The following IQSEC1 variants were observed in gnomAD, a reference collection of about 807,000 sequenced individuals.
The protein encoded by IQSEC1 is IQ motif and SEC7 domain-containing protein 1.
In IQSEC1, 31 loss-of-function variants were observed where a neutral mutation model predicts 91.0. The ratio of observed to expected loss-of-function variants is 0.34; its 90% CI spans 0.26 to 0.46. The LOEUF is 0.46. Among genes scored for constraint, IQSEC1 ranks in the 20% least tolerant of loss-of-function variants. The pLI is 1.00. For missense variants in IQSEC1, 1,388 were observed against 1,575.6 expected, an observed-to-expected ratio of 0.88 and a Z score of 2.02; for synonymous variants, 699 against 662.6, an observed-to-expected ratio of 1.05 and a Z score of -0.84.
chr3:13,190,071 A>T (rs183210131), intron 1 of IQSEC1, among the ~76,000 whole-genome samples: 1 of 152,326 alleles, frequency 6.6e-6, no homozygotes, highest in East Asian at 1.9e-4. Context: ...ATAGAGTTCC[A>T]GCAGTTTCCC....
intron 1 of IQSEC1, among the ~76,000 whole-genome samples, chr3:13,018,239 G>A (rs1703234084): frequency 6.6e-6 from 1 of 152,216 alleles, no homozygotes. Flanking sequence ...CTGCAGAGGG[G>A]CATCAGATGG....
At chr3:13,216,867 A>C (rs745509242) in intron 1 of IQSEC1, among the ~76,000 whole-genome samples, 5 of 152,332 alleles carry the variant, frequency 3.3e-5, no homozygotes, top group Admixed American at 3.3e-4. Context: ...ACTCCAGAAC[A>C]TATGGACGCT....
At chr3:13,244,116 G>A (rs907841321) in intron 1 of IQSEC1, among the ~76,000 whole-genome samples, 6 of 152,226 alleles carry the variant, frequency 3.9e-5, no homozygotes, top group Non-Finnish European at 8.8e-5. Flanking sequence ...TCTGACTCCT[G>A]CAATGTCTGA....
intron 2 of IQSEC1, among the ~76,000 whole-genome samples, chr3:13,124,974 G>C (rs974669546): frequency 5.4e-4 from 82 of 152,154 alleles, no homozygotes; most frequent in African/African-American, 2.0e-3. Context: ...CATCAGGGAG[G>C]CCTCCTAAGG....
At chr3:13,225,987 T>A (rs1694746981) in intron 1 of IQSEC1, among the ~76,000 whole-genome samples, 1 of 152,032 alleles carries the variant, frequency 6.6e-6, no homozygotes. Flanking sequence ...TCAAGTCAAT[T>A]CTCCTGCCTT....
intron 6 of IQSEC1, among the ~76,000 whole-genome samples, chr3:12,917,576 C>CA (rs982445193): frequency 3.9e-5 from 6 of 152,220 alleles, no homozygotes; most frequent in African/African-American, 1.4e-4. Flanking sequence ...GTCGATAGCT[C>CA]ACTTCTCTTT....
chr3:13,257,802 C>T (rs1695317914), intron 1 of IQSEC1, among the ~76,000 whole-genome samples: 1 of 152,346 alleles, frequency 6.6e-6, no homozygotes, highest in East Asian at 1.9e-4. Flanking sequence ...CCACACGGCC[C>T]AGCAATCACA....
intron 9 of IQSEC1, 126 bp from the exon 10 acceptor site, chr3:12,911,854 G>A (rs537073386): frequency 5.7e-6 from 4 of 697,720 alleles, no homozygotes; most frequent in Non-Finnish European, 1.0e-5. Context: ...CACGTGAGTG[G>A]AGGGCATGGG....
In IQSEC1 at chr3:12,994,474, C is replaced by T. The variant is rs945003223; in HGVS notation, c.24-52609G>A. On this transcript the variant is annotated intron_variant, in intron 1 of 13. Transcript: ENST00000613206. The surrounding 1 kb of genome is among the most constrained non-coding windows in gnomAD (Gnocchi z 4.5). ...GGATGGGTCAGGAGAGCGGGGTACG[C>T]GGGGTCCAGGCGCGGAACCGGGGGC... Among the ~76,000 whole-genome samples the T allele has an allele frequency of 9.9e-5, 15 of 152,150 alleles. 1 individual carries two copies. In the South Asian group the frequency reaches 3.1e-3, roughly 32 times the overall value.
At chr3:13,169,305 C>A (rs9839569) in intron 1 of IQSEC1, among the ~76,000 whole-genome samples, 9,618 of 152,278 alleles carry the variant, frequency 0.063, 531 homozygotes, top group East Asian at 0.17. Context: ...ATGTGACTTG[C>A]TCCTCCTTGC....
chr3:13,227,029 C>A (rs955114519), intron 1 of IQSEC1, among the ~76,000 whole-genome samples: 2 of 152,006 alleles, frequency 1.3e-5, no homozygotes, highest in Non-Finnish European at 2.9e-5. Context: ...CTGCAGTGAG[C>A]GATGATCATG....
chr3:12,981,497 T>C (rs540071679), intron 1 of IQSEC1, among the ~76,000 whole-genome samples: 2 of 152,260 alleles, frequency 1.3e-5, no homozygotes, highest in East Asian at 3.9e-4. Context: ...TGTTGTTTCG[T>C]CACAATTCCC....
chr3:13,024,100 T>C (rs1164100291), intron 1 of IQSEC1, among the ~76,000 whole-genome samples: 1 of 152,208 alleles, frequency 6.6e-6, no homozygotes, highest in Non-Finnish European at 1.5e-5. Flanking sequence ...AGGCCTCCAT[T>C]CAAATGTTTA....
chr3:13,177,757 T>A (rs1388448830), intron 1 of IQSEC1, among the ~76,000 whole-genome samples: 1 of 152,230 alleles, frequency 6.6e-6, no homozygotes, highest in Non-Finnish European at 1.5e-5. Flanking sequence ...GTCCCTCTGC[T>A]GTCCACATGC....
intron 12 of IQSEC1, among the ~76,000 whole-genome samples, chr3:12,904,589 C>G (rs556331513): frequency 1.1e-4 from 17 of 152,330 alleles, no homozygotes; most frequent in African/African-American, 3.6e-4. Flanking sequence ...CATGGCCTCC[C>G]TCCTCCACCC....
At chr3:13,236,682 G>A (rs893130263) in intron 1 of IQSEC1, among the ~76,000 whole-genome samples, 3 of 152,158 alleles carry the variant, frequency 2.0e-5, no homozygotes, top group Admixed American at 6.5e-5. Flanking sequence ...GTCCACAGAC[G>A]TGAGAAGGCG....
rs1246765443 is a variant in IQSEC1, at chr3:13,030,916, T to A, written c.23+42076A>T. Among the ~76,000 whole-genome samples, 3 of 152,264 alleles carry A rather than the reference T, an allele frequency of 2.0e-5. No homozygotes were observed. In the East Asian group the frequency reaches 5.8e-4, roughly 29 times the overall value. On this transcript the variant is annotated intron_variant, in intron 1 of 13. Coordinates refer to ENST00000613206, the MANE Select transcript of IQSEC1 (RefSeq NM_001134382.3). Reference sequence around the variant, plus strand: ...GCAGCTATCTCCACTTCCACGCATGTTTCACACTTTCAACAATAAGAAGCT... The same window carrying A: ...GCAGCTATCTCCACTTCCACGCATGATTCACACTTTCAACAATAAGAAGCT...
intron 1 of IQSEC1, among the ~76,000 whole-genome samples, chr3:13,179,584 A>G (rs9830966): frequency 0.033 from 4,978 of 152,360 alleles, 267 homozygotes; most frequent in African/African-American, 0.11. Flanking sequence ...GAGAGGTGAC[A>G]GCGTGCTGGC....
intron 1 of IQSEC1, among the ~76,000 whole-genome samples, chr3:13,178,440 G>A (rs1245120248): frequency 2.0e-5 from 3 of 152,248 alleles, no homozygotes; most frequent in Non-Finnish European, 4.4e-5. Flanking sequence ...CTGTTACAAA[G>A]CACCATAGAC....
Sources: gnomAD v4.1 joint callset for allele counts (sites outside exome capture counted in the v4.1 genomes callset) on GRCh38, gnomAD v4.1.1 for gene constraint, Gnocchi (gnomAD v3.1) non-coding constraint, MANE v1.5 for transcripts, NCBI Gene and HGNC (gene_info 2026-07-23, HGNC 2026-07-21) for gene names.